Variants in GALNT13 observed in about 807,000 individuals in gnomAD.
The protein encoded by GALNT13 is UDP-GalNAc:polypeptide N-acetylgalactosaminyltransferase 13.
A neutral mutation model predicts 64.2 loss-of-function variants in GALNT13; 28 were observed. That is an observed-to-expected ratio of 0.44 (90% CI 0.32 to 0.60). GALNT13 has a LOEUF of 0.60. Ranked by LOEUF, GALNT13 falls within the 20% of genes least tolerant of loss-of-function variation. The pLI, the probability that GALNT13 is intolerant of heterozygous loss-of-function variation, is 0.05. For synonymous variants in GALNT13, 214 were observed against 224.6 expected (o/e 0.95, Z 0.42); for missense variants, 577 against 669.8 (o/e 0.86, Z 1.53).
chr2:153,164,627 T>C, the GALNT13 span, among the ~76,000 whole-genome samples: 1 of 152,202 alleles, frequency 6.6e-6, no homozygotes. Flanking sequence ...GTTTTTGTTT[T>C]CATCTCCAAA....
the GALNT13 span, among the ~76,000 whole-genome samples, chr2:153,624,886 T>C: frequency 6.6e-6 from 1 of 151,354 alleles, no homozygotes; most frequent in African/African-American, 2.4e-5. Flanking sequence ...CAGAAGACAG[T>C]TGATATACTA....
At chr2:153,381,468 G>A in the GALNT13 span, among the ~76,000 whole-genome samples, 3 of 151,906 alleles carry the variant, frequency 2.0e-5, no homozygotes, top group African/African-American at 7.2e-5. Context: ...CAGACAGAGG[G>A]AGCAAGAAAG....
intron 3 of GALNT13, among the ~76,000 whole-genome samples, chr2:154,010,525 C>G (rs1377172255): frequency 2.6e-5 from 4 of 152,080 alleles, no homozygotes; most frequent in Admixed American, 2.6e-4. Flanking sequence ...CTATGTTCAT[C>G]AAGGTTATTG....
At chr2:153,328,898 T>A in the GALNT13 span, among the ~76,000 whole-genome samples, 6 of 147,832 alleles carry the variant, frequency 4.1e-5, no homozygotes, top group Non-Finnish European at 6.0e-5. Context: ...CCCAAACAGC[T>A]GTTCAGTTTT....
At chr2:154,286,031 T>C (rs1692245412) in intron 8 of GALNT13, among the ~76,000 whole-genome samples, 1 of 152,356 alleles carries the variant, frequency 6.6e-6, no homozygotes, top group South Asian at 2.1e-4. Flanking sequence ...GTGATTTTTG[T>C]ATTTTGATTT....
chr2:153,302,801 T>C, the GALNT13 span, among the ~76,000 whole-genome samples: 1 of 152,188 alleles, frequency 6.6e-6, no homozygotes, highest in Non-Finnish European at 1.5e-5. Context: ...GAAGAGCTTA[T>C]CCTTTCCTAA....
chr2:154,063,713 A>G (rs1029035694), intron 3 of GALNT13, among the ~76,000 whole-genome samples: 18 of 152,180 alleles, frequency 1.2e-4, no homozygotes, highest in African/African-American at 3.6e-4. Flanking sequence ...TAATCATACA[A>G]TTTTACTCTC....
At chr2:153,256,513 A>T in the GALNT13 span, among the ~76,000 whole-genome samples, 1 of 152,198 alleles carries the variant, frequency 6.6e-6, no homozygotes, top group Non-Finnish European at 1.5e-5. Context: ...CTGGTGAGGA[A>T]CTGCGTTCCT....
chr2:153,780,214 GATATATATATATATATAT>G, the GALNT13 span, among the ~76,000 whole-genome samples: 100 of 128,056 alleles, frequency 7.8e-4, 5 homozygotes, highest in African/African-American at 2.7e-3. Context: ...AGAATTTGAA[GATATATATATATATATAT>G]ATATATATAT....
chr2:153,086,356 G>C, the GALNT13 span, among the ~76,000 whole-genome samples: 5 of 152,134 alleles, frequency 3.3e-5, no homozygotes, highest in African/African-American at 1.2e-4. Context: ...GAAATGATAT[G>C]GTTTGGCTAT....
the GALNT13 span, among the ~76,000 whole-genome samples, chr2:153,800,620 T>C: frequency 3.3e-5 from 5 of 152,224 alleles, no homozygotes; most frequent in Non-Finnish European, 7.3e-5. Flanking sequence ...TGTAATATTA[T>C]ACGTCATTTG....
intron 1 of GALNT13, among the ~76,000 whole-genome samples, chr2:153,898,106 A>T (rs891829625): frequency 8.6e-5 from 13 of 151,956 alleles, no homozygotes; most frequent in African/African-American, 3.1e-4. Context: ...GTTTTTCTGG[A>T]CCCCATATAT....
At chr2:153,948,878 AAAT>A (rs1691965248) in intron 3 of GALNT13, among the ~76,000 whole-genome samples, 2 of 152,112 alleles carry the variant, frequency 1.3e-5, no homozygotes, top group African/African-American at 2.4e-5. Context: ...AGATCAGGAA[AAAT>A]AATTAATGAG....
At chr2:153,918,020 A>G (rs1689508625) in intron 2 of GALNT13, among the ~76,000 whole-genome samples, 1 of 152,002 alleles carries the variant, frequency 6.6e-6, no homozygotes, top group Non-Finnish European at 1.5e-5. Context: ...GTGTGAGTGC[A>G]GAGGTTTGGC....
chr2:153,739,536 T>C, the GALNT13 span, among the ~76,000 whole-genome samples: 12 of 144,560 alleles, frequency 8.3e-5, no homozygotes, highest in East Asian at 2.3e-3. Context: ...TATTATTTTT[T>C]AATGTATTTA....
At chr2:153,767,931 C>T in the GALNT13 span, among the ~76,000 whole-genome samples, 1 of 151,930 alleles carries the variant, frequency 6.6e-6, no homozygotes, top group African/African-American at 2.4e-5. Flanking sequence ...ATTTCTTATG[C>T]TGTGCAGACA....
chr2:153,235,816 A>G, the GALNT13 span, among the ~76,000 whole-genome samples: 1 of 152,164 alleles, frequency 6.6e-6, no homozygotes, highest in Non-Finnish European at 1.5e-5. Context: ...TAAGTACTCA[A>G]GTAAAAGGAA....
Position 154,138,414 on chromosome 2 carries a change from T to G in GALNT13, c.143-1923T>G, listed in dbSNP as rs187938665. On this transcript the variant is annotated intron_variant, in intron 3 of 12. Coordinates refer to ENST00000392825, the MANE Select transcript of GALNT13 (RefSeq NM_052917.4). ...TAAACAACTGTAAACAGGGAATTTC[T>G]TTCTTAATTTCCAAAAATTATTTTT... is the stretch of plus-strand genomic sequence containing the variant. Among the ~76,000 whole-genome samples the G allele has an allele frequency of 2.1e-3, 313 of 152,188 alleles. 1 individual carries two copies. The highest frequency in any genetic ancestry group is 7.1e-3 in the African/African-American group (297 of 41,570).
At chr2:153,580,763 A>G in the GALNT13 span, among the ~76,000 whole-genome samples, 4 of 152,320 alleles carry the variant, frequency 2.6e-5, no homozygotes, top group African/African-American at 9.6e-5. Flanking sequence ...TGGCAGAGAA[A>G]TTAGTCTTAA....
Sources: allele counts gnomAD v4.1 joint callset (sites outside exome capture counted in the v4.1 genomes callset), GRCh38; gene constraint gnomAD v4.1.1; transcripts MANE v1.5; gene names NCBI Gene and HGNC (gene_info 2026-07-23, HGNC 2026-07-21).